Variants in FRMPD4 observed in about 807,000 individuals in gnomAD.
The protein encoded by FRMPD4 is FERM and PDZ domain containing 4, also known as FERM and PDZ domain-containing protein 4.
A neutral mutation model predicts 94.1 loss-of-function variants in FRMPD4; 22 were observed. That is an observed-to-expected ratio of 0.23 (90% confidence interval 0.17 to 0.33). The LOEUF (loss-of-function observed/expected upper bound fraction) is 0.33. Ranked by LOEUF, FRMPD4 falls within the 10% of genes least tolerant of loss-of-function variation. The pLI, the probability that FRMPD4 is intolerant of heterozygous loss-of-function variation, is 1.00. For missense variants in FRMPD4, 1,111 were observed against 1,339.9 expected, an observed-to-expected ratio of 0.83 and a Z score of 2.67; for synonymous variants, 631 against 548.6, an observed-to-expected ratio of 1.15 and a Z score of -2.10.
At chrX:11,833,090 G>A (rs915398277) in intron 1 of FRMPD4, among the ~76,000 whole-genome samples, 1 of 112,213 alleles carries the variant, frequency 8.9e-6, no homozygotes, top group African/African-American at 3.2e-5. Context: ...GAATAATACA[G>A]TATGTAGACT....
At chrX:12,635,975 T>A (rs912662229) in intron 4 of FRMPD4, among the ~76,000 whole-genome samples, 12 of 111,827 alleles carry the variant, frequency 1.1e-4, no homozygotes, top group Non-Finnish European at 2.3e-4. Context: ...TTGAAGCACA[T>A]CCCAGACATC....
chrX:11,924,711 G>A (rs1455175928), intron 3 of FRMPD4, among the ~76,000 whole-genome samples: 1 of 111,998 alleles, frequency 8.9e-6, no homozygotes, highest in African/African-American at 3.2e-5. Context: ...AAAATGCTGA[G>A]GGAATTTGTT....
intron 1 of FRMPD4, among the ~76,000 whole-genome samples, chrX:12,201,851 CA>C (rs2147719690): frequency 8.9e-6 from 1 of 111,831 alleles, no homozygotes; most frequent in South Asian, 3.8e-4. Flanking sequence ...GAAAATTAAA[CA>C]GAGATGTTTC....
chrX:12,410,184 T>G (rs775972492), intron 1 of FRMPD4, among the ~76,000 whole-genome samples: 1 of 111,513 alleles, frequency 9.0e-6, no homozygotes, highest in South Asian at 3.8e-4. Flanking sequence ...AGTAACTCAT[T>G]CATTCCCCTT....
intron 3 of FRMPD4, among the ~76,000 whole-genome samples, chrX:11,891,397 T>C (rs1309851346): frequency 8.9e-6 from 1 of 111,918 alleles, no homozygotes; most frequent in African/African-American, 3.3e-5. Context: ...GAGGAAGAAA[T>C]GAAGAATGAG....
At chrX:11,852,561 C>T (rs923588766) in intron 1 of FRMPD4, among the ~76,000 whole-genome samples, 1 of 110,742 alleles carries the variant, frequency 9.0e-6, no homozygotes. Flanking sequence ...CTGTAGAATT[C>T]TCTGTGTGTA....
chrX:12,448,810 T>G (rs1213579605), intron 1 of FRMPD4, among the ~76,000 whole-genome samples: 1 of 112,029 alleles, frequency 8.9e-6, no homozygotes, highest in Non-Finnish European at 1.9e-5. Context: ...GAAAGACACA[T>G]CTGATCTCAT....
At chrX:11,845,729 A>G (rs2053571836) in intron 1 of FRMPD4, among the ~76,000 whole-genome samples, 1 of 110,954 alleles carries the variant, frequency 9.0e-6, no homozygotes, top group Non-Finnish European at 1.9e-5. Flanking sequence ...TTCAACATAC[A>G]CAAATCAATA....
chrX:12,257,952 T>C (rs1399971534), intron 1 of FRMPD4, among the ~76,000 whole-genome samples: 1 of 109,739 alleles, frequency 9.1e-6, no homozygotes, highest in African/African-American at 3.3e-5. Flanking sequence ...AGCTTTACCT[T>C]ATCCTTCCTG....
chrX:12,081,873 C>T (rs185586160), intron 3 of FRMPD4, among the ~76,000 whole-genome samples: 37 of 111,572 alleles, frequency 3.3e-4, no homozygotes, highest in Non-Finnish European at 6.6e-4. Flanking sequence ...TATTTTTCCC[C>T]TCACTGTGAC....
intron 1 of FRMPD4, among the ~76,000 whole-genome samples, chrX:12,290,089 C>T (rs1010302771): frequency 9.0e-6 from 1 of 111,538 alleles, no homozygotes; most frequent in African/African-American, 3.3e-5. Context: ...CAGGCAAGTA[C>T]GGAGACATGG....
chrX:12,360,743 T>C (rs773087633), intron 1 of FRMPD4, among the ~76,000 whole-genome samples: 7 of 111,718 alleles, frequency 6.3e-5, no homozygotes, highest in Non-Finnish European at 1.3e-4. Flanking sequence ...TGCTACATGT[T>C]CCTCCATAGA....
intron 2 of FRMPD4, among the ~76,000 whole-genome samples, chrX:12,499,837 G>A (rs2148227007): frequency 9.0e-6 from 1 of 111,568 alleles, no homozygotes; most frequent in South Asian, 3.8e-4. Flanking sequence ...TATGAACATC[G>A]GTGTACAAGC....
At chrX:12,715,998 G>GCCGGGGGGCCC in intron 14 of FRMPD4, 71 bp from the exon 15 acceptor site, 1 of 383,857 alleles carries the variant, frequency 2.6e-6, no homozygotes, top group Non-Finnish European at 4.7e-6. Flanking sequence ...ACAGAGACGA[G>GCCGGGGGGCCC]CCTCCCACCC....
intron 1 of FRMPD4, among the ~76,000 whole-genome samples, chrX:12,353,549 C>T (rs763651325): frequency 1.8e-5 from 2 of 111,908 alleles, no homozygotes; most frequent in Non-Finnish European, 3.8e-5. Flanking sequence ...AACCCTTAAG[C>T]TTCAGAGCTT....
At chrX:12,319,641 G>A (rs964685197) in intron 1 of FRMPD4, among the ~76,000 whole-genome samples, 14 of 112,036 alleles carry the variant, frequency 1.2e-4, no homozygotes, top group African/African-American at 4.2e-4. Flanking sequence ...AGTGGAAAGA[G>A]GACAGGCTTG....
At chrX:12,210,418 C>G (rs1412087414) in intron 1 of FRMPD4, among the ~76,000 whole-genome samples, 1 of 111,103 alleles carries the variant, frequency 9.0e-6, no homozygotes, top group East Asian at 2.9e-4. Flanking sequence ...CAATATGAAC[C>G]AATTAGAAGC....
chrX:12,716,009 C>CCCCCCCCCCA, intron 14 of FRMPD4, 60 bp from the exon 15 acceptor site: 1 of 329,494 alleles, frequency 3.0e-6, no homozygotes, highest in Non-Finnish European at 5.5e-6. Context: ...CCTCCCACCC[C>CCCCCCCCCCA]CGCCCCACCC....
intron 1 of FRMPD4, among the ~76,000 whole-genome samples, chrX:12,412,640 C>A (rs1445509500): frequency 8.9e-6 from 1 of 112,185 alleles, no homozygotes; most frequent in Non-Finnish European, 1.9e-5. Flanking sequence ...ATTCTTAGGG[C>A]CATGCCTGAT....
Sources: gnomAD v4.1 joint callset for allele counts (sites outside exome capture counted in the v4.1 genomes callset) on GRCh38, gnomAD v4.1.1 for gene constraint, MANE v1.5 for transcripts, NCBI Gene and HGNC (gene_info 2026-07-23, HGNC 2026-07-21) for gene names.